NUP210L: variants seen among roughly 807,000 people sequenced by gnomAD.
NUP210L encodes nucleoporin 210 like.
In NUP210L, 74 loss-of-function variants were observed where a neutral mutation model predicts 208.5. The ratio of observed to expected loss-of-function variants is 0.35; its 90% CI spans 0.29 to 0.43. NUP210L has a LOEUF of 0.43. Ranked by LOEUF, NUP210L falls within the 20% of genes least tolerant of loss-of-function variation. NUP210L has a pLI of 1.00. For synonymous variants in NUP210L, 780 were observed against 816.9 expected, an observed-to-expected ratio of 0.95 and a Z score of 0.77; for missense variants, 1,843 against 2,289.4, an observed-to-expected ratio of 0.81 and a Z score of 3.98.
rs527628856 is a variant in NUP210L at position 154,153,245 on chromosome 1, G to T, written c.204-373C>A. The stretch of plus-strand genomic sequence containing the variant: ...GCTTCTGATATCTAGGATGGAAAAG[G>T]TGCCTAAATTATGAGGTGTGAGTCC... On this transcript the variant is annotated intron_variant, in intron 1 of 39. Coordinates refer to ENST00000368559, the Ensembl canonical transcript of NUP210L. 5.3e-5 allele frequency among the ~76,000 whole-genome samples: 8 copies of T among 152,176 alleles called. No homozygotes were observed. The South Asian group carries it at 1.7e-3, about 32-fold the overall frequency.
chr1:154,117,594 A>T, intron 12 of NUP210L, 131 bp downstream of exon 12: 1 of 703,824 alleles, frequency 1.4e-6, no homozygotes, highest in Non-Finnish European at 2.3e-6. Context: ...CAAAAAAAAA[A>T]GTATTTCTTG....
chr1:154,135,712 C>T (rs903261730), intron 7 of NUP210L, 102 bp downstream of exon 7: 48 of 1,079,642 alleles, frequency 4.4e-5, no homozygotes, highest in African/African-American at 1.7e-4. Context: ...TGAGCCACCG[C>T]GCCCGGCCAT....
At position 154,154,029 on chromosome 1, in the gene NUP210L, C is replaced by T. The variant is rs1315381324; in HGVS notation, c.203+813G>A. Among the ~76,000 whole-genome samples, 21 of 152,160 alleles carry T rather than the reference C, an allele frequency of 1.4e-4. 2 individuals carry two copies. The highest frequency in any genetic ancestry group is 1.4e-3 in the Admixed American group (21 of 15,264). ...CTCATACCTTAGGCAACCACATAAC[C>T]CATCATTGGGTCCTCTCACACCAGA... is the stretch of plus-strand genomic sequence containing the variant. On this transcript the variant is annotated intron_variant, in intron 1 of 39. Coordinates refer to ENST00000368559, the Ensembl canonical transcript of NUP210L.
chr1:154,013,006 C>CAAAAAAAAAA (rs149011212), intron 33 of NUP210L, among the ~76,000 whole-genome samples: 4 of 72,594 alleles, frequency 5.5e-5, no homozygotes, highest in East Asian at 4.7e-4. Flanking sequence ...AACTCTGAAT[C>CAAAAAAAAAA]AAAAAAAAAA....
chr1:154,044,264 G>C (rs887935684), intron 27 of NUP210L, among the ~76,000 whole-genome samples: 1 of 151,780 alleles, frequency 6.6e-6, no homozygotes, highest in African/African-American at 2.4e-5. Flanking sequence ...AAAATTAGCC[G>C]GGCCTGGTGG....
chr1:154,030,865 G>A (rs1652177704), intron 27 of NUP210L, among the ~76,000 whole-genome samples: 1 of 151,880 alleles, frequency 6.6e-6, no homozygotes, highest in Admixed American at 6.6e-5. Context: ...TCAAGTAGCC[G>A]GGACCACAAG....
In NUP210L at chr1:154,127,902, C is replaced by T. The variant is rs1049464956; in HGVS notation, c.1079-485G>A. 3.0e-4 allele frequency among the ~76,000 whole-genome samples: 45 copies of T among 151,768 alleles called. 1 individual carries two copies. Among genetic ancestry groups the T allele is most frequent in the Non-Finnish European group, 5.6e-4 (38 of 67,920 alleles). On this transcript the variant is annotated intron_variant, in intron 8 of 39. Coordinates refer to ENST00000368559, the Ensembl canonical transcript of NUP210L. The stretch of plus-strand genomic sequence containing the variant: ...ATTTTTTGAAACAGGGTCTCACTGT[C>T]ACAGATGCTGGAGTGCAGTGGTGTC...
chr1:153,995,283 A>C, intron 37 of NUP210L, 103 bp from the exon 38 acceptor site: 3 of 783,196 alleles, frequency 3.8e-6, no homozygotes, highest in Non-Finnish European at 6.3e-6. Flanking sequence ...TTTTACTCTC[A>C]CTCTGTCCCC....
At chr1:154,001,464 G>A (rs1357216834) in intron 36 of NUP210L, among the ~76,000 whole-genome samples, 1 of 152,072 alleles carries the variant, frequency 6.6e-6, no homozygotes, top group Admixed American at 6.6e-5. Context: ...CCAAAGTGCT[G>A]GGATTACAGG....
At chr1:154,062,045 C>T (rs1208563141) in intron 17 of NUP210L, among the ~76,000 whole-genome samples, 1 of 152,060 alleles carries the variant, frequency 6.6e-6, no homozygotes, top group Non-Finnish European at 1.5e-5. Flanking sequence ...CCAGGCTGGT[C>T]TCGAATTCCT....
chr1:154,025,755 C>A (rs1179073058), intron 29 of NUP210L, 39 bp from the exon 30 acceptor site: 1 of 1,561,182 alleles, frequency 6.4e-7, no homozygotes, highest in African/African-American at 1.4e-5. Flanking sequence ...TTTTTGGGGT[C>A]CTGTCTGACC....
chr1:154,055,767 A>T (rs1161786059), intron 23 of NUP210L, among the ~76,000 whole-genome samples: 1 of 152,256 alleles, frequency 6.6e-6, no homozygotes, highest in African/African-American at 2.4e-5. Flanking sequence ...ATGTAATTTT[A>T]TGTGTAATAG....
In NUP210L at chr1:154,130,636, C is replaced by T. The variant is rs190372711; in HGVS notation, c.1010-1291G>A. 2.8e-5 allele frequency among the ~76,000 whole-genome samples: 4 copies of T among 140,442 alleles called. No individual in the cohort carries two copies. In the East Asian group the frequency reaches 8.7e-4, roughly 31 times the overall value. 92.1% of individuals were successfully genotyped at this position (140,442 alleles called of 152,430 possible). A position where few individuals can be genotyped will look rare whatever the true frequency, so the allele number is the denominator to read the frequency against. On this transcript the variant is annotated intron_variant, in intron 7 of 39. Transcript: ENST00000368559. ...CTCACTCTGTCACCCAGGCTGAGTG[C>T]AGTGGTACAATCACAGCTCACTGCA...
intron 27 of NUP210L, among the ~76,000 whole-genome samples, chr1:154,043,360 G>T (rs1222617437): frequency 6.6e-6 from 1 of 151,130 alleles, no homozygotes; most frequent in African/African-American, 2.4e-5. Context: ...TGTTGCCCAG[G>T]CTGGAGTGCA....
intron 10 of NUP210L, among the ~76,000 whole-genome samples, chr1:154,125,665 G>A (rs1407418935): frequency 3.2e-4 from 1 of 3,136 alleles, no homozygotes; most frequent in Non-Finnish European, 1.5e-3. Context: ...AAGGAAGGAA[G>A]GAAGGAAGGA....
intron 16 of NUP210L, among the ~76,000 whole-genome samples, chr1:154,071,976 G>A (rs1371383785): frequency 2.7e-5 from 2 of 73,734 alleles, no homozygotes; most frequent in East Asian, 4.1e-4. Context: ...ATTCCATCGC[G>A]TGTGTGTGTG....
chr1:154,134,366 A>G (rs1658411242), intron 7 of NUP210L, among the ~76,000 whole-genome samples: 4 of 151,420 alleles, frequency 2.6e-5, no homozygotes, highest in Admixed American at 2.0e-4. Context: ...CAATTTTCTG[A>G]GAATTTAAAT....
At chr1:154,097,519 T>A (rs576160214) in intron 14 of NUP210L, among the ~76,000 whole-genome samples, 1 of 152,288 alleles carries the variant, frequency 6.6e-6, no homozygotes, top group African/African-American at 2.4e-5. Context: ...GCCAAGCACT[T>A]GCATTTAATT....
Position 154,060,775 on chromosome 1 carries a change from T to G in NUP210L, c.2749-134A>C, listed in dbSNP as rs1051828490. On this transcript the variant is annotated intron_variant, in intron 19 of 39. Coordinates refer to ENST00000368559, the Ensembl canonical transcript of NUP210L. ...TGAATAGACAAAAGACAAAATACAA[T>G]TATTAAAGTACAATTTTTAAGGACA... is the stretch of plus-strand genomic sequence containing the variant. 3.2e-5 allele frequency: 24 copies of G among 758,396 alleles called. No individual in the cohort carries two copies. In the Middle Eastern group the frequency reaches 8.5e-4, roughly 27 times the overall value. 47.0% of individuals were successfully genotyped at this position (758,396 alleles called of 1,614,324 possible).
Sources: gnomAD v4.1 joint callset for allele counts (sites outside exome capture counted in the v4.1 genomes callset) on GRCh38, gnomAD v4.1.1 for gene constraint, MANE v1.5 for transcripts, NCBI Gene and HGNC (gene_info 2026-07-23, HGNC 2026-07-21) for gene names.